The following RIN3 variants were observed in gnomAD, a reference collection of about 807,000 sequenced individuals.
The protein encoded by RIN3 is RAB5 interacting protein 3.
RIN3 carries 54 observed loss-of-function variants against 76.3 expected under a neutral mutation model. The observed-to-expected ratio is 0.71, with a 90% CI of 0.57 to 0.89. RIN3 has a LOEUF of 0.89. Among genes scored for constraint, RIN3 ranks in the 40% least tolerant of loss-of-function variants. The pLI, the probability that RIN3 is intolerant of heterozygous loss-of-function variation, is 0.00. For missense variants in RIN3, 1,256 were observed against 1,322.1 expected (o/e 0.95, Z 0.78); for synonymous variants, 576 against 564.0 (o/e 1.02, Z -0.30).
chr14:92,553,006 C>T (rs889899115), intron 1 of RIN3, among the ~76,000 whole-genome samples: 3 of 139,704 alleles, frequency 2.1e-5, no homozygotes, highest in African/African-American at 5.5e-5. Flanking sequence ...TCTGTTTGAT[C>T]GCAGCTTTGG....
intron 4 of RIN3, among the ~76,000 whole-genome samples, chr14:92,639,586 T>C (rs547232008): frequency 1.3e-5 from 2 of 152,294 alleles, no homozygotes; most frequent in East Asian, 3.9e-4. Flanking sequence ...GCCCTGGCAG[T>C]GCCACATTCC....
intron 1 of RIN3, among the ~76,000 whole-genome samples, chr14:92,522,637 T>A (rs1896630539): frequency 6.6e-6 from 1 of 152,192 alleles, no homozygotes; most frequent in Non-Finnish European, 1.5e-5. Flanking sequence ...CTGTTTTAAA[T>A]GAAACTCCTG....
In RIN3 at chr14:92,623,090, G is replaced by T. The variant is rs1886241702; in HGVS notation, c.440+7611G>T. Among the ~76,000 whole-genome samples the T allele has an allele frequency of 6.6e-6, 1 of 152,206 alleles. No individual in the cohort carries two copies. Among genetic ancestry groups the T allele is most frequent in the African/African-American group, 2.4e-5 (1 of 41,448 alleles). Reference sequence around the variant, plus strand: ...CACAGCTATTGCGATTGCGAGAGAGGTAACAATAGAGGCCATGAGTCCTTT... The same window carrying T: ...CACAGCTATTGCGATTGCGAGAGAGTTAACAATAGAGGCCATGAGTCCTTT... On this transcript the variant is annotated intron_variant, in intron 4 of 9. Transcript: ENST00000216487. The surrounding 1 kb of genome is among the most constrained non-coding windows in gnomAD (Gnocchi z 4.9).
chr14:92,687,877 T>C, intron 9 of RIN3, 49 bp from the exon 10 acceptor site: 3 of 1,462,210 alleles, frequency 2.1e-6, no homozygotes, highest in Non-Finnish European at 2.7e-6. Flanking sequence ...AGAGGGCGCC[T>C]GAGGAGACAG....
Position 92,688,419 on chromosome 14 carries a change from A to G in RIN3, c.*167A>G, listed in dbSNP as rs1595514650. 2 of 655,444 alleles carry G rather than the reference A, an allele frequency of 3.1e-6. No homozygotes were observed. Among genetic ancestry groups the G allele is most frequent in the African/African-American group, 1.9e-5 (1 of 53,768 alleles). 40.6% of individuals were successfully genotyped at this position (655,444 alleles called of 1,614,324 possible). On this transcript the variant is annotated 3_prime_UTR_variant, in exon 10 of 10. Transcript: ENST00000216487. ...GTGAAAATAACATGACGCTCGTCCA[A>G]GGCCACTTCCTGAGGGCAAGTCCTA... is the stretch of plus-strand genomic sequence containing the variant.
At chr14:92,646,350 GC>G (rs766789069) in intron 5 of RIN3, among the ~76,000 whole-genome samples, 1 of 152,174 alleles carries the variant, frequency 6.6e-6, no homozygotes, top group African/African-American at 2.4e-5. Flanking sequence ...CCCACCCTCT[GC>G]ACCATGCCCT....
chr14:92,524,711 CT>C (rs1181243273), intron 1 of RIN3, among the ~76,000 whole-genome samples: 1 of 152,202 alleles, frequency 6.6e-6, no homozygotes, highest in Non-Finnish European at 1.5e-5. Context: ...TCGTGCCACT[CT>C]GGAAACTCTT....
chr14:92,550,086 A>G (rs1198464502), intron 1 of RIN3, among the ~76,000 whole-genome samples: 2 of 152,168 alleles, frequency 1.3e-5, no homozygotes, highest in Non-Finnish European at 2.9e-5. Flanking sequence ...TGGCCAGGCC[A>G]GTTGATAAGT....
rs185426528 is a variant in RIN3, at chr14:92,635,610, G to A, written c.441-5628G>A. On this transcript the variant is annotated intron_variant, in intron 4 of 9. Coordinates refer to ENST00000216487, the MANE Select transcript of RIN3 (RefSeq NM_024832.5). ...CTCACACCTGTAATCCCAGCACTTC[G>A]GGAGGCTGAGGCAGGCAGATCACTT... Among the ~76,000 whole-genome samples, 574 of 152,252 alleles carry A rather than the reference G, an allele frequency of 3.8e-3. 6 individuals carry two copies. The highest frequency in any genetic ancestry group is 0.012 in the African/African-American group (516 of 41,534).
intron 1 of RIN3, among the ~76,000 whole-genome samples, chr14:92,552,925 G>C (rs573552409): frequency 6.6e-6 from 1 of 151,248 alleles, no homozygotes; most frequent in African/African-American, 2.4e-5. Flanking sequence ...ATTTGACATT[G>C]GCAGGTCCAC....
chr14:92,607,530 G>A (rs1254815499), intron 3 of RIN3, among the ~76,000 whole-genome samples: 2 of 152,168 alleles, frequency 1.3e-5, no homozygotes, highest in East Asian at 3.8e-4. Flanking sequence ...GATCACTTGA[G>A]CCTGGGAGGT....
intron 3 of RIN3, among the ~76,000 whole-genome samples, chr14:92,582,425 T>C (rs1032107568): frequency 6.6e-6 from 1 of 150,872 alleles, no homozygotes; most frequent in Admixed American, 6.6e-5. Context: ...TGTGTGGTTT[T>C]GCTGTTTCCT....
chr14:92,670,460 G>C (rs796372718), intron 7 of RIN3, among the ~76,000 whole-genome samples: 1 of 152,162 alleles, frequency 6.6e-6, no homozygotes. Context: ...CTGAGGCTCC[G>C]ATGTGCTCAG....
At chr14:92,544,778 C>CG (rs1897218081) in intron 1 of RIN3, among the ~76,000 whole-genome samples, 1 of 152,094 alleles carries the variant, frequency 6.6e-6, no homozygotes, top group Non-Finnish European at 1.5e-5. Flanking sequence ...CCTATGCACC[C>CG]ATAATTCAGC....
intron 9 of RIN3, chr14:92,686,674 C>G (rs1176403688): frequency 6.6e-6 from 1 of 152,308 alleles, no homozygotes; most frequent in Admixed American, 6.5e-5. Flanking sequence ...GTTTGGGAGA[C>G]GGAAGCTTCG....
At chr14:92,604,056 G>A (rs1885439769) in intron 3 of RIN3, among the ~76,000 whole-genome samples, 1 of 152,248 alleles carries the variant, frequency 6.6e-6, no homozygotes, top group Non-Finnish European at 1.5e-5. Context: ...GGCAGCCGTG[G>A]ACCCTGGCCA....
chr14:92,657,614 A>G (rs7140806), intron 6 of RIN3, among the ~76,000 whole-genome samples: 150,583 of 152,236 alleles, frequency 0.99, 74,495 homozygotes, highest in Middle Eastern at 1. Flanking sequence ...GGGAAGAGAC[A>G]TGGCCGAGGT....
Position 92,661,755 on chromosome 14 carries a change from AC to A in RIN3, c.2335+2287del, listed in dbSNP as rs1887893609. On this transcript the variant is annotated intron_variant, in intron 7 of 9. Coordinates refer to ENST00000216487, the MANE Select transcript of RIN3 (RefSeq NM_024832.5). Reference sequence around the variant, plus strand: ...CACACACACACACACACACACACACACACAAAAAATAGAATTGTGCTCCCCA... The same window carrying A: ...CACACACACACACACACACACACACAACAAAAAATAGAATTGTGCTCCCCA... 1.3e-4 allele frequency among the ~76,000 whole-genome samples: 16 copies of A among 118,838 alleles called. No homozygotes were observed. In the East Asian group the frequency reaches 1.7e-3, roughly 13 times the overall value. The allele number at this position is 118,838 out of a possible 152,430, so 78.0% of individuals were successfully genotyped here.
At chr14:92,578,342 C>A (rs544036633) in intron 3 of RIN3, among the ~76,000 whole-genome samples, 38 of 152,246 alleles carry the variant, frequency 2.5e-4, no homozygotes, top group Non-Finnish European at 5.0e-4. Flanking sequence ...TTTGGGGACC[C>A]CCTCTCTAGG....
Sources: allele counts gnomAD v4.1 joint callset (sites outside exome capture counted in the v4.1 genomes callset), GRCh38; gene constraint gnomAD v4.1.1; non-coding constraint Gnocchi (gnomAD v3.1); transcripts MANE v1.5; gene names NCBI Gene and HGNC (gene_info 2026-07-23, HGNC 2026-07-21).